CLRN2: variants seen among roughly 807,000 people sequenced by gnomAD.
CLRN2 encodes the protein clarin 2, also known as clarin-2.
CLRN2 carries 17 observed loss-of-function variants against 20.1 expected under a neutral mutation model. That is an observed-to-expected ratio of 0.85 (90% CI 0.58 to 1.27). The LOEUF is 1.27. Ranked by LOEUF, CLRN2 falls within the 50% of genes most tolerant of loss-of-function variation. The probability of loss-of-function intolerance (pLI) is 0.00; values close to 1 mark genes in which losing one functional copy is unlikely to be tolerated. For synonymous variants in CLRN2, 140 were observed against 126.9 expected, an observed-to-expected ratio of 1.10 and a Z score of -0.70; for missense variants, 288 against 299.5, an observed-to-expected ratio of 0.96 and a Z score of 0.28.
At chr4:17,520,356 A>T (rs1711810658) in intron 1 of CLRN2, among the ~76,000 whole-genome samples, 1 of 152,212 alleles carries the variant, frequency 6.6e-6, no homozygotes, top group Non-Finnish European at 1.5e-5. Flanking sequence ...TATGGACATT[A>T]TGGATACTTT....
chr4:17,524,342 T>C lies in CLRN2; in HGVS notation c.433+1299T>C, dbSNP rs145049440. Among the ~76,000 whole-genome samples the C allele has an allele frequency of 5.0e-4, 76 of 152,174 alleles. No homozygotes were observed. The East Asian group carries it at 0.013, about 26-fold the overall frequency. On this transcript the variant is annotated intron_variant, in intron 2 of 2. Coordinates refer to ENST00000511148, the MANE Select transcript of CLRN2 (RefSeq NM_001079827.2). Reference sequence around the variant, plus strand: ...ATGAAAATAACAGAATCTTGTGAAATGAGGGCTGTCACAGAAAACTCAGGT... The same window carrying C: ...ATGAAAATAACAGAATCTTGTGAAACGAGGGCTGTCACAGAAAACTCAGGT...
intron 1 of CLRN2, among the ~76,000 whole-genome samples, chr4:17,518,200 C>T (rs1326905447): frequency 6.6e-6 from 1 of 152,100 alleles, no homozygotes; most frequent in Admixed American, 6.6e-5. Context: ...AGAGGCCTCC[C>T]CAAAAAATCA....
chr4:17,525,583 G>A (rs770242987), intron 2 of CLRN2, among the ~76,000 whole-genome samples: 15 of 152,042 alleles, frequency 9.9e-5, no homozygotes, highest in African/African-American at 1.9e-4. Context: ...CCAGGAGGTC[G>A]AGGCTGCAGT....
Position 17,526,835 on chromosome 4 carries a change from C to A in CLRN2, c.452C>A (p.Ala151Asp), listed in dbSNP as rs751595762. 1.2e-6 allele frequency: 2 copies of A among 1,614,020 alleles called. No homozygotes were observed. The highest frequency in any genetic ancestry group is 3.3e-5 in the Admixed American group (2 of 60,020). Residue 151 changes from alanine (A) to aspartate (D), a missense_variant, in exon 3 of 3, where the codon GCC becomes GAC. Ala to Asp is a moderately radical substitution (Grantham distance 126). Coordinates refer to ENST00000511148, the MANE Select transcript of CLRN2 (RefSeq NM_001079827.2). ...GTTTCAGGCGGCGTCGTGGCGTTAG[C>A]CATCGCCAGCTTCGTGGCTGCGGTG... ...NVLAGGVVALAIASFVAAVKF... is the reference protein window; with the variant it reads ...NVLAGGVVALDIASFVAAVKF...
At position 17,522,995 on chromosome 4, in the gene CLRN2, C is replaced by T. The variant is rs368238691; in HGVS notation, c.385C>T (p.Arg129Trp). 1.1e-5 allele frequency: 18 copies of T among 1,613,734 alleles called. No individual in the cohort carries two copies. Among genetic ancestry groups the T allele is most frequent in the African/African-American group, 2.7e-5 (2 of 75,036 alleles). ...TCTTAACATGATCCAGGTCCCGTAC[C>T]GGGCAGTCAGCGGTCCTGGGGGCAT... ...AILNMIQVPY[R>W]AVSGPGGICL... Residue 129 changes from arginine to tryptophan, a missense_variant, in exon 2 of 3, where the codon CGG becomes TGG. Transcript: ENST00000511148.
Position 17,522,982 on chromosome 4 carries a change from C to A in CLRN2, c.372C>A (p.Ile124=). 6.2e-7 allele frequency: 1 copy of A among 1,613,920 alleles called. No individual in the cohort carries two copies. The highest frequency in any genetic ancestry group is 8.5e-7 in the Non-Finnish European group (1 of 1,179,900). Residue 124 remains isoleucine, a synonymous_variant, in exon 2 of 3, where the codon ATC becomes ATA. Coordinates refer to ENST00000511148, the MANE Select transcript of CLRN2 (RefSeq NM_001079827.2). ...VSMGFAILNM[I]QVPYRAVSGP... is the part of the protein sequence containing the mutation. ...TGGGCTTTGCCATTCTTAACATGAT[C>A]CAGGTCCCGTACCGGGCAGTCAGCG...
intron 1 of CLRN2, among the ~76,000 whole-genome samples, chr4:17,521,901 G>C (rs548514425): frequency 2.0e-5 from 3 of 152,286 alleles, no homozygotes; most frequent in Non-Finnish European, 4.4e-5. Flanking sequence ...CAGAAGATGC[G>C]TGTGACCCCC....
intron 2 of CLRN2, 80 bp from the exon 3 acceptor site, chr4:17,526,737 T>A: frequency 6.4e-7 from 1 of 1,556,500 alleles, no homozygotes; most frequent in Non-Finnish European, 8.8e-7. Flanking sequence ...AGCAAGTTTG[T>A]CACACGTGGC....
At chr4:17,520,636 G>A (rs1376017427) in intron 1 of CLRN2, among the ~76,000 whole-genome samples, 1 of 152,164 alleles carries the variant, frequency 6.6e-6, no homozygotes, top group Non-Finnish European at 1.5e-5. Context: ...ATTCACATAG[G>A]TGACTGTTTT....
intron 1 of CLRN2, among the ~76,000 whole-genome samples, chr4:17,516,416 T>A (rs1711675300): frequency 6.6e-6 from 1 of 152,228 alleles, no homozygotes; most frequent in African/African-American, 2.4e-5. Flanking sequence ...CCGTAATTAA[T>A]CAATACCATG....
chr4:17,516,976 C>T (rs976097591), intron 1 of CLRN2, among the ~76,000 whole-genome samples: 1 of 152,156 alleles, frequency 6.6e-6, no homozygotes, highest in East Asian at 1.9e-4. Flanking sequence ...TCCGCTATCT[C>T]AATGGGGTAC....
chr4:17,516,811 C>T (rs1434242039), intron 1 of CLRN2, among the ~76,000 whole-genome samples: 1 of 152,200 alleles, frequency 6.6e-6, no homozygotes, highest in Admixed American at 6.5e-5. Context: ...AGATGCTTTG[C>T]TATAAAGGAT....
intron 1 of CLRN2, among the ~76,000 whole-genome samples, chr4:17,516,409 T>C (rs1711675260): frequency 6.6e-6 from 1 of 152,240 alleles, no homozygotes; most frequent in Non-Finnish European, 1.5e-5. Flanking sequence ...CACAAAACCG[T>C]AATTAATCAA....
intron 1 of CLRN2, among the ~76,000 whole-genome samples, chr4:17,518,895 A>C (rs1386094396): frequency 6.6e-6 from 1 of 152,222 alleles, no homozygotes. Flanking sequence ...CATTTTTACT[A>C]TGCTAGAGAA....
chr4:17,517,377 C>CA (rs918442973), intron 1 of CLRN2, among the ~76,000 whole-genome samples: 1 of 152,132 alleles, frequency 6.6e-6, no homozygotes, highest in Non-Finnish European at 1.5e-5. Flanking sequence ...GACTTCTTCA[C>CA]AAAGCTTCAT....
chr4:17,519,942 C>T (rs1443894621), intron 1 of CLRN2, among the ~76,000 whole-genome samples: 1 of 152,144 alleles, frequency 6.6e-6, no homozygotes, highest in Non-Finnish European at 1.5e-5. Flanking sequence ...CTCCTAGCCT[C>T]AAGCAATCCC....
chr4:17,518,760 T>A (rs1396586361), intron 1 of CLRN2, among the ~76,000 whole-genome samples: 1 of 142,942 alleles, frequency 7.0e-6, no homozygotes, highest in Non-Finnish European at 1.5e-5. Flanking sequence ...AAAATCCATC[T>A]AAAAAAAAAA....
Position 17,526,861 on chromosome 4 carries a change from A to C in CLRN2, c.478A>C (p.Lys160Gln), listed in dbSNP as rs749795545. 5.6e-6 allele frequency: 9 copies of C among 1,614,004 alleles called. No individual in the cohort carries two copies. Among genetic ancestry groups the C allele is most frequent in the Non-Finnish European group, 7.6e-6 (9 of 1,179,886 alleles). Residue 160 changes from lysine (K) to glutamine (Q), a missense_variant, in exon 3 of 3, where the codon AAA becomes CAA. By Grantham distance (53) the Lys-to-Gln change is moderately conservative. Coordinates refer to ENST00000511148, the MANE Select transcript of CLRN2 (RefSeq NM_001079827.2). ...LAIASFVAAV[K>Q]FHDLTERIAN... ...CATCGCCAGCTTCGTGGCTGCGGTG[A>C]AATTTCACGACCTGACGGAACGAAT... is the stretch of plus-strand genomic sequence containing the variant.
At position 17,523,017 on chromosome 4, in the gene CLRN2, G is replaced by A. The variant is rs1422636373; in HGVS notation, c.407G>A (p.Gly136Asp). The A allele has an allele frequency of 6.2e-7, 1 of 1,612,978 alleles. No individual in the cohort carries two copies. The highest frequency in any genetic ancestry group is 1.1e-5 in the South Asian group (1 of 90,978). ...TACCGGGCAGTCAGCGGTCCTGGGG[G>A]CATCTGCCTATGGAATGTCCTGGCA... Reference protein sequence around the residue: ...VPYRAVSGPGGICLWNVLAGG... With the variant: ...VPYRAVSGPGDICLWNVLAGG... Residue 136 changes from glycine (G) to aspartate (D), a missense_variant, in exon 2 of 3, where the codon GGC becomes GAC. Coordinates refer to ENST00000511148, the MANE Select transcript of CLRN2 (RefSeq NM_001079827.2).
Sources: gnomAD v4.1 joint callset for allele counts (sites outside exome capture counted in the v4.1 genomes callset) on GRCh38, gnomAD v4.1.1 for gene constraint, MANE v1.5 for transcripts, NCBI Gene and HGNC (gene_info 2026-07-23, HGNC 2026-07-21) for gene names.